Variants in RCAN1 observed in about 807,000 individuals in gnomAD.
The protein encoded by RCAN1 is regulator of calcineurin 1.
RCAN1 carries 11 observed loss-of-function variants against 22.9 expected under a neutral mutation model. The observed-to-expected ratio is 0.48, with a 90% CI of 0.30 to 0.79. The LOEUF is 0.79. Among genes scored for constraint, RCAN1 ranks in the 30% least tolerant of loss-of-function variants. RCAN1 has a pLI of 0.06. For synonymous variants in RCAN1, 136 were observed against 142.3 expected (o/e 0.96, Z 0.32); for missense variants, 291 against 337.8 (o/e 0.86, Z 1.09).
At chr21:34,605,280 A>G (rs1470440263) in intron 1 of RCAN1, among the ~76,000 whole-genome samples, 1 of 152,152 alleles carries the variant, frequency 6.6e-6, no homozygotes, top group Non-Finnish European at 1.5e-5. Context: ...CCTGCTCTCA[A>G]ACATTAGACT....
intron 1 of RCAN1, among the ~76,000 whole-genome samples, chr21:34,609,388 A>AT (rs1415592844): frequency 6.6e-6 from 1 of 152,206 alleles, no homozygotes; most frequent in Non-Finnish European, 1.5e-5. Flanking sequence ...TGCATAGACA[A>AT]TGTACACCCA....
chr21:34,600,549 G>A (rs2123724094), intron 1 of RCAN1, among the ~76,000 whole-genome samples: 1 of 152,224 alleles, frequency 6.6e-6, no homozygotes, highest in Middle Eastern at 3.4e-3. Context: ...CGAGGAGACA[G>A]GAGAAAAACC....
At chr21:34,548,205 C>T (rs2834525) in intron 1 of RCAN1, among the ~76,000 whole-genome samples, 36,756 of 152,038 alleles carry the variant, frequency 0.24, 5,191 homozygotes, top group African/African-American at 0.39. Flanking sequence ...TGAACCAAAG[C>T]CTATAGATCC....
chr21:34,539,353 T>C (rs1408193736), intron 1 of RCAN1, among the ~76,000 whole-genome samples: 1 of 152,218 alleles, frequency 6.6e-6, no homozygotes, highest in Admixed American at 6.5e-5. Context: ...TGGTGAAAAC[T>C]AATGACATGA....
intron 1 of RCAN1, among the ~76,000 whole-genome samples, chr21:34,610,044 T>A (rs1988641761): frequency 6.6e-6 from 1 of 152,004 alleles, no homozygotes; most frequent in South Asian, 2.1e-4. Context: ...CACACTAGGG[T>A]GAAAAGTGAA....
chr21:34,575,041 G>A (rs1230491082), intron 1 of RCAN1, among the ~76,000 whole-genome samples: 1 of 152,250 alleles, frequency 6.6e-6, no homozygotes, highest in African/African-American at 2.4e-5. Flanking sequence ...GAAGAAATGG[G>A]AGGAAACTCA....
At chr21:34,571,519 T>C (rs1035287848) in intron 1 of RCAN1, among the ~76,000 whole-genome samples, 1 of 152,224 alleles carries the variant, frequency 6.6e-6, no homozygotes, top group African/African-American at 2.4e-5. Context: ...CCTAACAGTG[T>C]CAATCAGTTT....
chr21:34,542,366 G>C (rs1487721604), intron 1 of RCAN1, among the ~76,000 whole-genome samples: 1 of 152,092 alleles, frequency 6.6e-6, no homozygotes, highest in South Asian at 2.1e-4. Flanking sequence ...TTGTTCTCTC[G>C]GGGCACTTCC....
intron 1 of RCAN1, among the ~76,000 whole-genome samples, chr21:34,585,339 T>G (rs1456370954): frequency 6.6e-6 from 1 of 152,238 alleles, no homozygotes; most frequent in Non-Finnish European, 1.5e-5. Flanking sequence ...ATATTAGACC[T>G]TAATAAAATA....
chr21:34,572,231 A>C (rs4300928), intron 1 of RCAN1, among the ~76,000 whole-genome samples: 8 of 152,184 alleles, frequency 5.3e-5, no homozygotes, highest in Admixed American at 5.2e-4. Flanking sequence ...CCCTCTGCCC[A>C]ATGAGGACTA....
At chr21:34,583,081 C>CATGAACATA (rs1489261750) in intron 1 of RCAN1, among the ~76,000 whole-genome samples, 2 of 151,990 alleles carry the variant, frequency 1.3e-5, no homozygotes, top group African/African-American at 4.8e-5. Flanking sequence ...GCATTATGGA[C>CATGAACATA]TGAACTATGT....
intron 1 of RCAN1, among the ~76,000 whole-genome samples, chr21:34,563,754 CAAA>C (rs58299654): frequency 0.088 from 3,882 of 43,992 alleles, 168 homozygotes; most frequent in South Asian, 0.1. Flanking sequence ...CTAAAAATAC[CAAA>C]AAAAAAAAAA....
chr21:34,567,554 CAA>C (rs1163824625), intron 1 of RCAN1, among the ~76,000 whole-genome samples: 47 of 70,218 alleles, frequency 6.7e-4, no homozygotes, highest in East Asian at 7.5e-4. Context: ...GACTCCATCT[CAA>C]AAAAAAAAAA....
At chr21:34,569,729 C>T (rs1987169829) in intron 1 of RCAN1, among the ~76,000 whole-genome samples, 1 of 152,206 alleles carries the variant, frequency 6.6e-6, no homozygotes, top group South Asian at 2.1e-4. Flanking sequence ...AGCAACTGTG[C>T]TAGGTGTTTA....
intron 1 of RCAN1, among the ~76,000 whole-genome samples, chr21:34,525,995 C>G (rs986296858): frequency 1.3e-5 from 2 of 152,280 alleles, no homozygotes; most frequent in East Asian, 1.9e-4. Context: ...TCAAATAGAG[C>G]ATACAGGATT....
At chr21:34,577,312 CT>C (rs1987442173) in intron 1 of RCAN1, among the ~76,000 whole-genome samples, 1 of 152,098 alleles carries the variant, frequency 6.6e-6, no homozygotes, top group Non-Finnish European at 1.5e-5. Context: ...AGAAAAATCG[CT>C]TGGGCCAGTC....
intron 1 of RCAN1, chr21:34,525,500 T>C: frequency 1.0e-6 from 1 of 962,682 alleles, no homozygotes; most frequent in Non-Finnish European, 1.5e-6. Context: ...TTTGGAATTT[T>C]GTATGACCTC....
At chr21:34,606,531 T>C (rs550843605) in intron 1 of RCAN1, among the ~76,000 whole-genome samples, 1 of 152,268 alleles carries the variant, frequency 6.6e-6, no homozygotes, top group African/African-American at 2.4e-5. Flanking sequence ...ATCTTTAAAA[T>C]AAAGCACAAA....
rs78983033 is a variant in RCAN1 at position 34,562,552 on chromosome 21, C to T, written c.253-38842G>A. Among the ~76,000 whole-genome samples the T allele has an allele frequency of 3.5e-4, 54 of 152,288 alleles. No homozygotes were observed. The East Asian group carries it at 9.3e-3, about 26-fold the overall frequency. ...TGCTCTCACTCACCTGAAACTTATC[C>T]TAGACTTTGAAAGTCTAGAATACTT... On this transcript the variant is annotated intron_variant, in intron 1 of 3. Coordinates refer to ENST00000313806, the MANE Select transcript of RCAN1 (RefSeq NM_004414.7).
Sources: allele counts gnomAD v4.1 joint callset (sites outside exome capture counted in the v4.1 genomes callset), GRCh38; gene constraint gnomAD v4.1.1; transcripts MANE v1.5; gene names NCBI Gene and HGNC (gene_info 2026-07-23, HGNC 2026-07-21).